The following PEAK1 variants were observed in gnomAD, a reference collection of about 807,000 sequenced individuals.
The protein encoded by PEAK1 is pseudopodium enriched atypical kinase 1, also known as inactive tyrosine-protein kinase PEAK1.
In PEAK1, 54 loss-of-function variants were observed where a neutral mutation model predicts 124.7. The ratio of observed to expected loss-of-function variants is 0.43; its 90% CI spans 0.35 to 0.54. The LOEUF (loss-of-function observed/expected upper bound fraction) is 0.54, where lower values mean the gene tolerates loss of function less well. Among genes scored for constraint, PEAK1 ranks in the 20% least tolerant of loss-of-function variants. The pLI is 0.01. For synonymous variants in PEAK1, 719 were observed against 760.0 expected (o/e 0.95, Z 0.89); for missense variants, 2,046 against 2,134.5 (o/e 0.96, Z 0.82).
At chr15:77,193,044 C>G (rs760421074) in intron 6 of PEAK1, among the ~76,000 whole-genome samples, 2 of 152,132 alleles carry the variant, frequency 1.3e-5, no homozygotes, top group Non-Finnish European at 2.9e-5. Context: ...AGTCTTTCCC[C>G]AAATTTACAA....
Position 77,318,303 on chromosome 15 carries a change from G to A in PEAK1, c.-602-31799C>T, listed in dbSNP as rs138662970. Among the ~76,000 whole-genome samples, 23 of 152,282 alleles carry A rather than the reference G, an allele frequency of 1.5e-4. No individual in the cohort carries two copies. The East Asian group carries it at 3.7e-3, about 24-fold the overall frequency. On this transcript the variant is annotated intron_variant, in intron 2 of 9. Coordinates refer to ENST00000682557, the MANE Select transcript of PEAK1 (RefSeq NM_001385026.1). ...GATGTTATGATTGGGGGTAACTGGTGAACAGTAGACAGGAGATCTCTGTAT... is the reference window on the plus strand; with the variant it reads ...GATGTTATGATTGGGGGTAACTGGTAAACAGTAGACAGGAGATCTCTGTAT...
At chr15:77,136,326 T>C (rs889040663) in intron 8 of PEAK1, among the ~76,000 whole-genome samples, 1 of 152,160 alleles carries the variant, frequency 6.6e-6, no homozygotes, top group South Asian at 2.1e-4. Flanking sequence ...GTGACCTAGG[T>C]GCTGTTAAAG....
At chr15:77,403,678 C>T in intron 1 of PEAK1, 1 of 897,140 alleles carries the variant, frequency 1.1e-6, no homozygotes, top group Non-Finnish European at 1.3e-6. Context: ...TTCCATTCAT[C>T]TCATTTGACA....
intron 5 of PEAK1, among the ~76,000 whole-genome samples, chr15:77,266,987 G>A (rs1213667774): frequency 6.6e-6 from 1 of 151,982 alleles, no homozygotes; most frequent in Admixed American, 6.6e-5. Context: ...TTGTTGGTGG[G>A]GGTGGGGGCA....
At chr15:77,338,950 TAAAC>T (rs946090830) in intron 2 of PEAK1, among the ~76,000 whole-genome samples, 13 of 152,196 alleles carry the variant, frequency 8.5e-5, no homozygotes, top group East Asian at 3.9e-4. Context: ...AATTTTGAAA[TAAAC>T]AAGTTGCAGA....
Position 77,253,065 on chromosome 15 carries a change from G to C in PEAK1, c.-274-539C>G, listed in dbSNP as rs138352589. ...ACATGTCTACCTATTTCTGATTCTT[G>C]AGCATCTATCTTATACATGTTCAAA... On this transcript the variant is annotated intron_variant, in intron 5 of 9. Transcript: ENST00000682557. 4.4e-4 allele frequency among the ~76,000 whole-genome samples: 67 copies of C among 151,986 alleles called. No homozygotes were observed. The East Asian group carries it at 0.011, about 24-fold the overall frequency.
intron 2 of PEAK1, among the ~76,000 whole-genome samples, chr15:77,315,541 A>G (rs2064816671): frequency 2.6e-5 from 4 of 152,230 alleles, no homozygotes; most frequent in South Asian, 4.1e-4. Flanking sequence ...TGTATTTCCT[A>G]TTAAGGTTTT....
intron 1 of PEAK1, among the ~76,000 whole-genome samples, chr15:77,372,813 T>A (rs1438343932): frequency 1.3e-5 from 2 of 152,160 alleles, no homozygotes; most frequent in Non-Finnish European, 1.5e-5. Context: ...ACTGTTCTCA[T>A]GATAAGAGTT....
chr15:77,353,093 A>G, intron 2 of PEAK1: 1 of 565,488 alleles, frequency 1.8e-6, no homozygotes, highest in Non-Finnish European at 2.2e-6. Flanking sequence ...AGCAGCAAAC[A>G]CATGCACTGC....
chr15:77,335,158 G>T, intron 2 of PEAK1: 5 of 985,434 alleles, frequency 5.1e-6, no homozygotes, highest in Non-Finnish European at 6.0e-6. Flanking sequence ...ACTGTGCTTT[G>T]TAGGAACATG....
intron 6 of PEAK1, among the ~76,000 whole-genome samples, chr15:77,234,842 G>T (rs912461752): frequency 6.6e-6 from 1 of 151,984 alleles, no homozygotes; most frequent in Non-Finnish European, 1.5e-5. Context: ...ACAGGGTCTT[G>T]CTCTGTTGCC....
intron 1 of PEAK1, chr15:77,403,064 G>A (rs1048109317): frequency 5.1e-6 from 5 of 985,062 alleles, no homozygotes; most frequent in Non-Finnish European, 6.0e-6. Context: ...AGAAAAAGAT[G>A]GAGTTTCTCT....
At chr15:77,245,050 T>C (rs1366606104) in intron 6 of PEAK1, among the ~76,000 whole-genome samples, 2 of 152,234 alleles carry the variant, frequency 1.3e-5, no homozygotes, top group Non-Finnish European at 2.9e-5. Flanking sequence ...ACCACTTCAA[T>C]GTTTCAATTC....
chr15:77,326,793 A>G (rs972416093), intron 2 of PEAK1, among the ~76,000 whole-genome samples: 1 of 152,110 alleles, frequency 6.6e-6, no homozygotes, highest in Non-Finnish European at 1.5e-5. Flanking sequence ...ACAGCTTGAC[A>G]TGTGGGATAT....
chr15:77,228,227 T>C (rs971844100), intron 6 of PEAK1, among the ~76,000 whole-genome samples: 7 of 152,190 alleles, frequency 4.6e-5, no homozygotes, highest in African/African-American at 1.2e-4. Flanking sequence ...TAACTCATCA[T>C]TTAGTTACTT....
intron 6 of PEAK1, among the ~76,000 whole-genome samples, chr15:77,208,102 A>C (rs2058747059): frequency 6.6e-6 from 1 of 152,168 alleles, no homozygotes; most frequent in Admixed American, 6.5e-5. Flanking sequence ...CCGTCAACTT[A>C]AATCTGTTGC....
At chr15:77,122,827 T>A (rs2052035917) in intron 9 of PEAK1, among the ~76,000 whole-genome samples, 1 of 152,234 alleles carries the variant, frequency 6.6e-6, no homozygotes. Flanking sequence ...CCCTCTAGTT[T>A]TTTCCTCACC....
At chr15:77,141,048 G>C (rs766584312) in intron 8 of PEAK1, among the ~76,000 whole-genome samples, 1 of 151,748 alleles carries the variant, frequency 6.6e-6, no homozygotes, top group Admixed American at 6.6e-5. Flanking sequence ...AGGGATATTA[G>C]GAAAGAAAAA....
intron 2 of PEAK1, chr15:77,334,480 AT>A (rs2066074858): frequency 4.1e-6 from 4 of 985,178 alleles, no homozygotes; most frequent in Non-Finnish European, 4.8e-6. Context: ...ATTTAGTCAG[AT>A]TTATTCAGCA....
Sources: allele counts gnomAD v4.1 joint callset (sites outside exome capture counted in the v4.1 genomes callset), GRCh38; gene constraint gnomAD v4.1.1; transcripts MANE v1.5; gene names NCBI Gene and HGNC (gene_info 2026-07-23, HGNC 2026-07-21).